CPNE5: variants seen among roughly 807,000 people sequenced by gnomAD.
The protein encoded by CPNE5 is copine-5.
Under a neutral mutation model 81.1 loss-of-function variants are expected in CPNE5, and 42 were observed. The observed-to-expected ratio is 0.52, with a 90% CI of 0.40 to 0.67. The LOEUF is 0.67. Among genes scored for constraint, CPNE5 ranks in the 30% least tolerant of loss-of-function variants. CPNE5 has a pLI of 0.00. For missense variants in CPNE5, 612 were observed against 815.5 expected (o/e 0.75, Z 3.04); for synonymous variants, 313 against 321.5 (o/e 0.97, Z 0.28).
chr6:36,814,977 A>AAACC (rs1184667307), intron 3 of CPNE5, among the ~76,000 whole-genome samples: 1 of 151,942 alleles, frequency 6.6e-6, no homozygotes, highest in African/African-American at 2.4e-5. Flanking sequence ...GACCAGCCTG[A>AAACC]AACCAACCCC....
At chr6:36,774,868 T>C (rs1767361781) in intron 10 of CPNE5, 93 bp downstream of exon 10, 5 of 954,220 alleles carry the variant, frequency 5.2e-6, no homozygotes, top group African/African-American at 3.2e-5. Flanking sequence ...CTGATGGGAC[T>C]GACCACGTCA....
intron 10 of CPNE5, among the ~76,000 whole-genome samples, chr6:36,767,688 A>G (rs86707): frequency 0.83 from 127,036 of 152,222 alleles, 53,085 homozygotes; most frequent in Middle Eastern, 0.89. Context: ...GACCCCAGTC[A>G]TGGTGACAGC....
intron 1 of CPNE5, among the ~76,000 whole-genome samples, chr6:36,828,401 C>A (rs1772702156): frequency 6.6e-6 from 1 of 150,848 alleles, no homozygotes; most frequent in African/African-American, 2.4e-5. Flanking sequence ...GGAGCCCGGT[C>A]TGACCAGGAG....
At chr6:36,800,960 C>A (rs2150531290) in intron 3 of CPNE5, among the ~76,000 whole-genome samples, 1 of 152,290 alleles carries the variant, frequency 6.6e-6, no homozygotes, top group South Asian at 2.1e-4. Context: ...CCCAGTTGAA[C>A]CTTGAGATGA....
At chr6:36,749,802 CA>C (rs1453173401) in intron 14 of CPNE5, among the ~76,000 whole-genome samples, 1 of 152,124 alleles carries the variant, frequency 6.6e-6, no homozygotes, top group African/African-American at 2.4e-5. Flanking sequence ...ACCTTTTCTC[CA>C]CATTTGCATG....
chr6:36,742,528 G>T (rs773468646), intron 20 of CPNE5, 42 bp from the exon 21 acceptor site: 3 of 1,584,056 alleles, frequency 1.9e-6, no homozygotes, highest in South Asian at 2.2e-5. Context: ...CCTCCTGTGG[G>T]ACCCTGGCCC....
chr6:36,749,558 G>A (rs912353875), intron 14 of CPNE5, among the ~76,000 whole-genome samples: 1 of 151,938 alleles, frequency 6.6e-6, no homozygotes, highest in Non-Finnish European at 1.5e-5. Flanking sequence ...AAATATGATG[G>A]CTGGGATTTG....
intron 1 of CPNE5, among the ~76,000 whole-genome samples, chr6:36,825,026 G>A (rs1204388144): frequency 6.6e-6 from 1 of 152,124 alleles, no homozygotes; most frequent in South Asian, 2.1e-4. Context: ...TCCATGATGG[G>A]GACATGAAAG....
At chr6:36,836,606 A>G (rs369471432) in intron 1 of CPNE5, among the ~76,000 whole-genome samples, 2 of 152,166 alleles carry the variant, frequency 1.3e-5, no homozygotes, top group South Asian at 4.1e-4. Context: ...GAGCCTCCCC[A>G]GAGCCTCCTC....
intron 14 of CPNE5, among the ~76,000 whole-genome samples, chr6:36,748,888 C>T (rs1473824037): frequency 6.6e-6 from 1 of 152,174 alleles, no homozygotes; most frequent in Non-Finnish European, 1.5e-5. Context: ...GAGACAGCAG[C>T]AGCACCATCT....
intron 1 of CPNE5, among the ~76,000 whole-genome samples, chr6:36,823,705 G>A (rs1057299614): frequency 1.3e-5 from 2 of 152,158 alleles, no homozygotes; most frequent in African/African-American, 4.8e-5. Flanking sequence ...CAACATTTGG[G>A]GACAGAACGG....
chr6:36,779,068 G>A (rs1280486562), intron 8 of CPNE5, 111 bp from the exon 9 acceptor site: 6 of 719,976 alleles, frequency 8.3e-6, no homozygotes, highest in African/African-American at 1.7e-5. Flanking sequence ...GGAATGCACC[G>A]ACTAAGTGCC....
chr6:36,775,120 A>G (rs953870883), intron 9 of CPNE5, 55 bp from the exon 10 acceptor site: 1 of 1,346,508 alleles, frequency 7.4e-7, no homozygotes, highest in Non-Finnish European at 1.1e-6. Context: ...AGGGAGGCGA[A>G]TGCAGGTCAA....
chr6:36,774,962 G>T lies in CPNE5; in HGVS notation c.736C>A (p.Arg246=). ...AGAAGGGACATTTTCTCATCTCACC[G>T]ATCGTAGTCGCCGTTGCAGAGGGCT... The part of the protein sequence containing the change: ...VRALCNGDYD[R]TIKVEVYDWD... The change falls in exon 10 of 21, where the codon CGG becomes AGG. Residue 246 remains arginine, a splice_region_variant and synonymous_variant. Coordinates refer to ENST00000244751, the MANE Select transcript of CPNE5 (RefSeq NM_020939.2). 6.2e-7 allele frequency: 1 copy of T among 1,611,660 alleles called. No homozygotes were observed. Among genetic ancestry groups the T allele is most frequent in the South Asian group, 1.1e-5 (1 of 90,994 alleles).
chr6:36,742,591 C>A, intron 20 of CPNE5, 105 bp from the exon 21 acceptor site: 1 of 997,752 alleles, frequency 1.0e-6, no homozygotes, highest in South Asian at 1.5e-5. Flanking sequence ...AGCCTCTGCT[C>A]ACTTGACTCA....
chr6:36,758,141 C>T (rs1765666276), intron 12 of CPNE5, among the ~76,000 whole-genome samples: 1 of 152,124 alleles, frequency 6.6e-6, no homozygotes. Flanking sequence ...GGTTACTTAA[C>T]CTCAATGTGC....
chr6:36,816,742 G>C (rs114901943), intron 3 of CPNE5, among the ~76,000 whole-genome samples: 9 of 152,098 alleles, frequency 5.9e-5, no homozygotes, highest in African/African-American at 2.2e-4. Flanking sequence ...ACAGAGAATC[G>C]AGCAAGGAAT....
intron 9 of CPNE5, among the ~76,000 whole-genome samples, chr6:36,776,497 G>A (rs1230291412): frequency 6.6e-6 from 1 of 152,176 alleles, no homozygotes; most frequent in East Asian, 1.9e-4. Flanking sequence ...GGGTAGGCAG[G>A]TGGGGCAGGA....
intron 9 of CPNE5, among the ~76,000 whole-genome samples, chr6:36,778,157 C>T (rs1318214167): frequency 2.0e-5 from 3 of 152,114 alleles, no homozygotes; most frequent in Non-Finnish European, 2.9e-5. Context: ...CTTCACTTGC[C>T]CAGGGTCACA....
Sources: allele counts gnomAD v4.1 joint callset (sites outside exome capture counted in the v4.1 genomes callset), GRCh38; gene constraint gnomAD v4.1.1; transcripts MANE v1.5; gene names NCBI Gene and HGNC (gene_info 2026-07-23, HGNC 2026-07-21).